The following MAGI3 variants were observed in gnomAD, a reference collection of about 807,000 sequenced individuals.
MAGI3 encodes membrane-associated guanylate kinase, WW and PDZ domain-containing protein 3.
MAGI3 carries 43 observed loss-of-function variants against 121.8 expected under a neutral mutation model. The ratio of observed to expected loss-of-function variants is 0.35; its 90% CI spans 0.28 to 0.46. MAGI3 has a LOEUF of 0.46. Among genes scored for constraint, MAGI3 ranks in the 20% least tolerant of loss-of-function variants. MAGI3 has a pLI of 1.00. For missense variants in MAGI3, 1,547 were observed against 1,797.3 expected, an observed-to-expected ratio of 0.86 and a Z score of 2.52; for synonymous variants, 553 against 639.3, an observed-to-expected ratio of 0.86 and a Z score of 2.04.
chr1:113,485,659 A>G (rs751159617), intron 1 of MAGI3, among the ~76,000 whole-genome samples: 24 of 152,130 alleles, frequency 1.6e-4, no homozygotes, highest in Non-Finnish European at 2.5e-4. Flanking sequence ...CAGAAGCTTT[A>G]TAGTTTGATT....
At chr1:113,580,478 A>T in intron 2 of MAGI3, 64 bp from the exon 3 acceptor site, 2 of 1,445,580 alleles carry the variant, frequency 1.4e-6, no homozygotes, top group Non-Finnish European at 1.9e-6. Context: ...ATATTCTTTT[A>T]CTTTGAATAT....
At chr1:113,550,664 G>C (rs1217578359) in intron 2 of MAGI3, among the ~76,000 whole-genome samples, 1 of 150,758 alleles carries the variant, frequency 6.6e-6, no homozygotes, top group East Asian at 2.0e-4. Context: ...GCTGAGGCAG[G>C]AGAATCGCTT....
intron 1 of MAGI3, among the ~76,000 whole-genome samples, chr1:113,434,942 C>T (rs1173514570): frequency 6.6e-6 from 1 of 152,066 alleles, no homozygotes; most frequent in Non-Finnish European, 1.5e-5. Context: ...ATCCATGAGC[C>T]TTTTAATGTT....
intron 1 of MAGI3, among the ~76,000 whole-genome samples, chr1:113,403,342 G>T (rs1463238835): frequency 3.3e-5 from 5 of 152,130 alleles, no homozygotes; most frequent in African/African-American, 9.7e-5. Flanking sequence ...TCTGGCCATT[G>T]CTGTGACAGC....
At chr1:113,611,594 G>C (rs1650139934) in intron 6 of MAGI3, among the ~76,000 whole-genome samples, 1 of 152,034 alleles carries the variant, frequency 6.6e-6, no homozygotes, top group Non-Finnish European at 1.5e-5. Flanking sequence ...TTCTTATGCA[G>C]TCTATTAGTG....
chr1:113,493,168 G>C (rs551716431), intron 1 of MAGI3, among the ~76,000 whole-genome samples: 3 of 152,144 alleles, frequency 2.0e-5, no homozygotes, highest in Non-Finnish European at 2.9e-5. Context: ...AACCAAAACA[G>C]CATGATACTG....
intron 1 of MAGI3, among the ~76,000 whole-genome samples, chr1:113,510,794 T>C (rs1267798254): frequency 6.6e-6 from 1 of 152,214 alleles, no homozygotes; most frequent in Non-Finnish European, 1.5e-5. Flanking sequence ...ACCATATTAT[T>C]AAGCCACATT....
chr1:113,455,493 T>C lies in MAGI3; in HGVS notation c.316+64144T>C, dbSNP rs1412732144. On this transcript the variant is annotated intron_variant, in intron 1 of 20. Transcript: ENST00000307546. ...CCAGTCCTCCCTGATCTGACCTGTT[T>C]CTTGCCATCCAGGCCTTGCATTCTT... Among the ~76,000 whole-genome samples, 4 of 152,094 alleles carry C rather than the reference T, an allele frequency of 2.6e-5. No homozygotes were observed. In the South Asian group the frequency reaches 6.2e-4, roughly 24 times the overall value.
Position 113,684,021 on chromosome 1 carries a change from G to A in MAGI3, c.*7G>A. 6.6e-7 allele frequency: 1 copy of A among 1,520,736 alleles called. No homozygotes were observed. The highest frequency in any genetic ancestry group is 8.8e-7 in the Non-Finnish European group (1 of 1,139,150). 94.2% of individuals were successfully genotyped at this position (1,520,736 alleles called of 1,614,324 possible). A position where few individuals can be genotyped will look rare whatever the true frequency, so the allele number is the denominator to read the frequency against. ...GGCTGAGAAACGGCAGTAACCTTTAGTATAAAACAAAGAAAAACAAGTTGT... is the reference window on the plus strand; with the variant it reads ...GGCTGAGAAACGGCAGTAACCTTTAATATAAAACAAAGAAAAACAAGTTGT... On this transcript the variant is annotated 3_prime_UTR_variant, in exon 21 of 21. Coordinates refer to ENST00000307546, the MANE Select transcript of MAGI3 (RefSeq NM_001142782.2).
chr1:113,474,398 T>C (rs1033472916), intron 1 of MAGI3, among the ~76,000 whole-genome samples: 1 of 152,236 alleles, frequency 6.6e-6, no homozygotes, highest in Non-Finnish European at 1.5e-5. Flanking sequence ...TGGTTTTAGG[T>C]CTAACATTTA....
chr1:113,626,126 T>C (rs987648832), intron 9 of MAGI3, among the ~76,000 whole-genome samples: 6 of 152,076 alleles, frequency 3.9e-5, no homozygotes, highest in African/African-American at 1.4e-4. Flanking sequence ...CCAGCACGCC[T>C]GGCTAATTTT....
At chr1:113,671,581 G>T (rs1234669748) in intron 16 of MAGI3, among the ~76,000 whole-genome samples, 153 bp from the exon 17 acceptor site, 1 of 152,232 alleles carries the variant, frequency 6.6e-6, no homozygotes, top group African/African-American at 2.4e-5. Context: ...TAATGCGCCA[G>T]TTCCAGACAG....
chr1:113,666,002 TG>T (rs1169816913), intron 16 of MAGI3, among the ~76,000 whole-genome samples: 1 of 152,216 alleles, frequency 6.6e-6, no homozygotes, highest in Non-Finnish European at 1.5e-5. Context: ...CTCTTAAGTG[TG>T]CAATAGCAGT....
chr1:113,663,309 AGTTCC>A (rs1433796893), intron 16 of MAGI3, among the ~76,000 whole-genome samples: 1 of 150,420 alleles, frequency 6.6e-6, no homozygotes, highest in East Asian at 1.9e-4. Flanking sequence ...CATTACCACT[AGTTCC>A]ACATTTTATT....
Position 113,623,669 on chromosome 1 carries a change from A to G in MAGI3, c.1360+675A>G, listed in dbSNP as rs1423844446. Among the ~76,000 whole-genome samples the G allele has an allele frequency of 2.6e-5, 4 of 152,042 alleles. No homozygotes were observed. The East Asian group carries it at 5.8e-4, about 22-fold the overall frequency. On this transcript the variant is annotated intron_variant, in intron 9 of 20. Coordinates refer to ENST00000307546, the MANE Select transcript of MAGI3 (RefSeq NM_001142782.2). ...CGCCTGGCTAATTTTTTGTATTTTT[A>G]GTAGAGACGAGGTTTCACCATGTTA...
intron 1 of MAGI3, among the ~76,000 whole-genome samples, chr1:113,466,915 A>G (rs1280977219): frequency 1.3e-5 from 2 of 151,336 alleles, no homozygotes; most frequent in African/African-American, 2.4e-5. Flanking sequence ...GATCTTCTGT[A>G]TTGTTTTTTA....
chr1:113,480,621 C>T (rs1470360205), intron 1 of MAGI3, among the ~76,000 whole-genome samples: 3 of 152,224 alleles, frequency 2.0e-5, no homozygotes, highest in African/African-American at 7.2e-5. Flanking sequence ...TCTCTTTACA[C>T]TGTGCTGTGC....
intron 1 of MAGI3, among the ~76,000 whole-genome samples, chr1:113,455,919 A>G (rs1011349464): frequency 6.6e-6 from 1 of 151,696 alleles, no homozygotes; most frequent in Non-Finnish European, 1.5e-5. Context: ...GGACTTGCAT[A>G]GTCAAATAAC....
intron 16 of MAGI3, among the ~76,000 whole-genome samples, chr1:113,659,533 G>A (rs1653671295): frequency 1.3e-5 from 2 of 152,212 alleles, no homozygotes. Context: ...AAGTGAAAGA[G>A]ACTGGTAGTA....
Sources: gnomAD v4.1 joint callset for allele counts (sites outside exome capture counted in the v4.1 genomes callset) on GRCh38, gnomAD v4.1.1 for gene constraint, MANE v1.5 for transcripts, NCBI Gene and HGNC (gene_info 2026-07-23, HGNC 2026-07-21) for gene names.